Variants in FBXO24 observed in about 807,000 individuals in gnomAD.
FBXO24 encodes the protein F-box protein 24, also known as F-box only protein 24.
FBXO24 carries 30 observed loss-of-function variants against 63.5 expected under a neutral mutation model. The ratio of observed to expected loss-of-function variants is 0.47; its 90% CI spans 0.35 to 0.64. FBXO24 has a LOEUF of 0.64. Among genes scored for constraint, FBXO24 ranks in the 30% least tolerant of loss-of-function variants. The pLI, the probability that FBXO24 is intolerant of heterozygous loss-of-function variation, is 0.00. For missense variants in FBXO24, 624 were observed against 763.4 expected, an observed-to-expected ratio of 0.82 and a Z score of 2.15; for synonymous variants, 300 against 305.0, an observed-to-expected ratio of 0.98 and a Z score of 0.17.
chr7:100,600,184 G>C lies in FBXO24; in HGVS notation c.1360G>C (p.Val454Leu). The change falls in exon 9 of 10, where the codon GTC (valine) becomes CTC (leucine). Residue 454 changes from valine to leucine, a missense_variant. Val to Leu is a conservative substitution (Grantham distance 32). Transcript: ENST00000241071. The surrounding 1 kb of genome is among the most constrained non-coding windows in gnomAD (Gnocchi z 6.3). ...PGWPKGSASF[V>L]KLQVKVPLCA... ...CTGGCCCAAGGGGAGTGCCTCCTTC[G>C]TCAAGCTCCAAGTCAAGGTCAGAGC... 2 of 1,569,460 alleles carry C rather than the reference G, an allele frequency of 1.3e-6. No homozygotes were observed. The highest frequency in any genetic ancestry group is 2.3e-5 in the East Asian group (1 of 43,104).
At chr7:100,595,515 G>A in intron 7 of FBXO24, 60 bp from the exon 8 acceptor site, 1 of 1,516,700 alleles carries the variant, frequency 6.6e-7, no homozygotes, top group Non-Finnish European at 8.9e-7. Flanking sequence ...GGAGACTCTG[G>A]AACTCAGAGT....
At chr7:100,595,938 G>GT (rs565013798) in intron 8 of FBXO24, among the ~76,000 whole-genome samples, 77 of 152,326 alleles carry the variant, frequency 5.1e-4, no homozygotes, top group African/African-American at 1.8e-3. Flanking sequence ...TAGTGAAGGG[G>GT]TAGGGTGGGT....
At chr7:100,597,017 G>T (rs1304677897) in intron 8 of FBXO24, among the ~76,000 whole-genome samples, 5 of 152,208 alleles carry the variant, frequency 3.3e-5, no homozygotes, top group Admixed American at 2.6e-4. Flanking sequence ...ATTCCAGCCT[G>T]GGCAACGGAG....
intron 8 of FBXO24, among the ~76,000 whole-genome samples, chr7:100,597,683 C>T (rs1236318978): frequency 2.0e-5 from 3 of 151,936 alleles, no homozygotes; most frequent in East Asian, 1.9e-4. Context: ...TGTGAGCCAC[C>T]GCACCCAGCC....
chr7:100,590,968 C>A (rs992298639), intron 3 of FBXO24, among the ~76,000 whole-genome samples: 1 of 151,902 alleles, frequency 6.6e-6, no homozygotes, highest in African/African-American at 2.4e-5. Context: ...GGATGACCGG[C>A]CTTCATCAAT....
chr7:100,589,068 C>T (rs1562814575), intron 1 of FBXO24, among the ~76,000 whole-genome samples: 3 of 152,020 alleles, frequency 2.0e-5, no homozygotes, highest in African/African-American at 7.3e-5. Context: ...GGCCTCAAGC[C>T]ATCCTTGCAC....
chr7:100,588,360 TAA>T (rs1801851285), intron 1 of FBXO24, among the ~76,000 whole-genome samples: 2 of 152,234 alleles, frequency 1.3e-5, no homozygotes, highest in African/African-American at 4.8e-5. Flanking sequence ...TGCCCAGAAA[TAA>T]GTCACTGAAG....
chr7:100,594,690 C>T lies in FBXO24; in HGVS notation c.952+149C>T. 2.1e-6 allele frequency: 2 copies of T among 950,192 alleles called. No homozygotes were observed. The highest frequency in any genetic ancestry group is 2.9e-6 in the Non-Finnish European group (2 of 679,240). 58.9% of individuals were successfully genotyped at this position (950,192 alleles called of 1,614,324 possible). A position where few individuals can be genotyped will look rare whatever the true frequency, so the allele number is the denominator to read the frequency against. On this transcript the variant is annotated intron_variant, in intron 6 of 9. Coordinates refer to ENST00000241071, the MANE Select transcript of FBXO24 (RefSeq NM_033506.3). This position sits in a 1 kb window ranked among gnomAD's most constrained non-coding sequence, Gnocchi z 4.2. ...TTTAGGGCCGGCATGGTGACTCATG[C>T]CTGTAATCCCATCACTTTGGGAAAC...
chr7:100,591,378 T>TTC (rs1358807836), intron 3 of FBXO24, among the ~76,000 whole-genome samples: 3 of 152,164 alleles, frequency 2.0e-5, no homozygotes, highest in African/African-American at 7.2e-5. Flanking sequence ...TGTGTCTTTA[T>TTC]TCTTAGAGTT....
intron 1 of FBXO24, chr7:100,589,542 CAG>C (rs1229409359): frequency 3.6e-6 from 5 of 1,402,078 alleles, no homozygotes; most frequent in African/African-American, 2.9e-5. Flanking sequence ...AGTGGCCAAA[CAG>C]TGAGGTCACA....
intron 8 of FBXO24, among the ~76,000 whole-genome samples, chr7:100,598,196 T>G (rs1053197190): frequency 1.3e-5 from 2 of 152,130 alleles, no homozygotes; most frequent in African/African-American, 4.8e-5. Context: ...TGAGACCCTA[T>G]CTCTAAAAAA....
chr7:100,592,757 C>G (rs750059248), intron 4 of FBXO24, 26 bp from the exon 5 acceptor site: 6 of 1,593,806 alleles, frequency 3.8e-6, no homozygotes, highest in Non-Finnish European at 5.2e-6. Flanking sequence ...ACTCTAGATC[C>G]CAGACGCCCT....
At chr7:100,592,516 C>T (rs1802081113) in intron 4 of FBXO24, among the ~76,000 whole-genome samples, 1 of 152,180 alleles carries the variant, frequency 6.6e-6, no homozygotes, top group Non-Finnish European at 1.5e-5. Flanking sequence ...CCAATCACCT[C>T]CCACTGGGTA....
chr7:100,599,971 A>ACCCCCCCCCC, intron 8 of FBXO24, 60 bp from the exon 9 acceptor site: 1 of 1,168,822 alleles, frequency 8.6e-7, no homozygotes, highest in Non-Finnish European at 1.2e-6. Flanking sequence ...ACCTTTTCCC[A>ACCCCCCCCCC]CCCCAGCCCC....
In FBXO24 at chr7:100,600,365, C is replaced by T. The variant is rs755829526; in HGVS notation, c.1377+164C>T. ...CGCACACCACGCTCTCTGCTTTCTCCCTTAGCAGACTGTGCTGGCCTTGCC... is the reference window on the plus strand; with the variant it reads ...CGCACACCACGCTCTCTGCTTTCTCTCTTAGCAGACTGTGCTGGCCTTGCC... On this transcript the variant is annotated intron_variant, in intron 9 of 9. Coordinates refer to ENST00000241071, the MANE Select transcript of FBXO24 (RefSeq NM_033506.3). The surrounding 1 kb of genome is among the most constrained non-coding windows in gnomAD (Gnocchi z 6.3). Among the ~76,000 whole-genome samples the T allele has an allele frequency of 3.3e-5, 5 of 152,202 alleles. No homozygotes were observed. The highest frequency in any genetic ancestry group is 5.9e-5 in the Non-Finnish European group (4 of 68,020).
chr7:100,586,861 G>T (rs1385228206), intron 1 of FBXO24, 197 bp downstream of exon 1: 6 of 651,248 alleles, frequency 9.2e-6, no homozygotes. Flanking sequence ...GGCAGCGGGG[G>T]GACCTCCGAC....
At chr7:100,592,721 C>T in intron 4 of FBXO24, 62 bp from the exon 5 acceptor site, 2 of 1,342,594 alleles carry the variant, frequency 1.5e-6, no homozygotes, top group South Asian at 1.2e-5. Context: ...CAGGATCCAG[C>T]TGCCCCAGCC....
intron 8 of FBXO24, among the ~76,000 whole-genome samples, chr7:100,597,956 T>C (rs889606277): frequency 6.6e-6 from 1 of 150,574 alleles, no homozygotes; most frequent in Non-Finnish European, 1.5e-5. Context: ...AACTCATGGC[T>C]TTAAGCAATC....
chr7:100,595,336 G>C lies in FBXO24; in HGVS notation c.1074+113G>C. On this transcript the variant is annotated intron_variant, in intron 7 of 9. Coordinates refer to ENST00000241071, the MANE Select transcript of FBXO24 (RefSeq NM_033506.3). ...TCCAGAGGGGCAGGGGATCCCCAGG[G>C]AGAGGTATGCCAAAAGAGATCAGCT... 2.6e-6 allele frequency: 4 copies of C among 1,553,292 alleles called. No individual in the cohort carries two copies. In the South Asian group the frequency reaches 3.6e-5, roughly 14 times the overall value.
Sources: gnomAD v4.1 joint callset for allele counts (sites outside exome capture counted in the v4.1 genomes callset) on GRCh38, gnomAD v4.1.1 for gene constraint, Gnocchi (gnomAD v3.1) non-coding constraint, MANE v1.5 for transcripts, NCBI Gene and HGNC (gene_info 2026-07-23, HGNC 2026-07-21) for gene names.